MANEAL: variants seen among roughly 807,000 people sequenced by gnomAD.
MANEAL encodes the protein glycoprotein endo-alpha-1,2-mannosidase-like protein.
Under a neutral mutation model 35.9 loss-of-function variants are expected in MANEAL, and 28 were observed. That is an observed-to-expected ratio of 0.78 (90% CI 0.58 to 1.07). MANEAL has a LOEUF of 1.07. Among genes scored for constraint, MANEAL ranks in the 50% least tolerant of loss-of-function variants. MANEAL has a pLI of 0.00. For synonymous variants in MANEAL, 286 were observed against 272.2 expected (o/e 1.05, Z -0.50); for missense variants, 576 against 629.6 (o/e 0.91, Z 0.91).
In MANEAL at chr1:37,799,863, A is replaced by G. The variant is rs1557575040; in HGVS notation, c.1034A>G (p.Asn345Ser). 1 of 1,614,194 alleles carries G rather than the reference A, an allele frequency of 6.2e-7. No homozygotes were observed. Among genetic ancestry groups the G allele is most frequent in the Non-Finnish European group, 8.5e-7 (1 of 1,180,036 alleles). ...CATCAGAACTGGAAAGCTGTGAAGA[A>G]CTTTTGTGATGCCAACAACCTCATG... is the stretch of plus-strand genomic sequence containing the variant. The part of the protein sequence containing the change: ...SSHQNWKAVK[N>S]FCDANNLMFI... Residue 345 changes from asparagine to serine, a missense_variant, in exon 4 of 4, where the codon AAC (asparagine) becomes AGC (serine). By Grantham distance (46) the Asn-to-Ser change is conservative (BLOSUM62 1). Coordinates refer to ENST00000373045, the MANE Select transcript of MANEAL (RefSeq NM_001113482.2). This position sits in a 1 kb window ranked among gnomAD's most constrained non-coding sequence, Gnocchi z 4.1.
In MANEAL at chr1:37,801,088, G is replaced by C. The variant is rs1646694489; in HGVS notation, c.*885G>C. 1.3e-5 allele frequency: 2 copies of C among 152,632 alleles called. No individual in the cohort carries two copies. The highest frequency in any genetic ancestry group is 1.3e-4 in the Admixed American group (2 of 15,280). The allele number at this position is 152,632 out of a possible 1,614,324, so 9.5% of individuals were successfully genotyped here. On this transcript the variant is annotated 3_prime_UTR_variant, in exon 4 of 4. Coordinates refer to ENST00000373045, the MANE Select transcript of MANEAL (RefSeq NM_001113482.2). Reference sequence around the variant, plus strand: ...GGCCCACTCACTAGAGCCATGTTCAGTGCTACTGTGATTAGTAGTAATTAA... The same window carrying C: ...GGCCCACTCACTAGAGCCATGTTCACTGCTACTGTGATTAGTAGTAATTAA...
chr1:37,796,873 G>C, intron 3 of MANEAL, 53 bp downstream of exon 3: 2 of 1,537,050 alleles, frequency 1.3e-6, no homozygotes, highest in Non-Finnish European at 8.9e-7. Flanking sequence ...TGGAGGTAGG[G>C]ATAGAAGGTT....
Position 37,796,816 on chromosome 1 carries a change from G to A in MANEAL, c.733G>A (p.Asp245Asn), listed in dbSNP as rs1269332313. Residue 245 changes from aspartate (D) to asparagine (N), a missense_variant, in exon 3 of 4, where the codon GAC becomes AAC. Physicochemically the swap from Asp to Asn is conservative, Grantham distance 23. This residue lies in a region of MANEAL where 449 missense variants were observed against 516.1 expected (regional missense o/e 0.87). Coordinates refer to ENST00000373045, the MANE Select transcript of MANEAL (RefSeq NM_001113482.2). ...TVHDNIKYIIDTYGSHGAFYR... is the reference protein window; with the variant it reads ...TVHDNIKYIINTYGSHGAFYR... ...ACATGACAACATCAAGTACATCATT[G>A]ACACGTAAGGCTGCTCTGGGGGCCG... 4.3e-6 allele frequency: 7 copies of A among 1,609,392 alleles called. No individual in the cohort carries two copies. The highest frequency in any genetic ancestry group is 5.9e-6 in the Non-Finnish European group (7 of 1,177,892).
chr1:37,795,784 G>A lies in MANEAL; in HGVS notation c.598G>A (p.Gly200Arg), dbSNP rs1181993232. ...CCCACCTGGCATGGCTGATGATAAC[G>A]GGGAGCCCTCAGATGACCTGGTGCC... is the stretch of plus-strand genomic sequence containing the variant. ...WYPPGMADDN[G>R]EPSDDLVPAI... Residue 200 changes from glycine (G) to arginine (R), a missense_variant, in exon 2 of 4, where the codon GGG becomes AGG. Physicochemically the swap from Gly to Arg is moderately radical, Grantham distance 125 (BLOSUM62 -2). Transcript: ENST00000373045. 1 of 1,614,108 alleles carries A rather than the reference G, an allele frequency of 6.2e-7. No homozygotes were observed. The highest frequency in any genetic ancestry group is 1.1e-5 in the South Asian group (1 of 91,074).
chr1:37,797,433 C>T (rs1335509814), intron 3 of MANEAL, among the ~76,000 whole-genome samples: 5 of 148,840 alleles, frequency 3.4e-5, no homozygotes, highest in Non-Finnish European at 5.9e-5. Context: ...AATGAGGCTG[C>T]GTGCAATGGC....
At chr1:37,795,423 C>T (rs1646637147) in intron 1 of MANEAL, 3 of 1,010,402 alleles carry the variant, frequency 3.0e-6, no homozygotes, top group Middle Eastern at 4.2e-4. Context: ...CAGAGGTAGG[C>T]CTGTGGCTTC....
Position 37,800,899 on chromosome 1 carries a change from G to A in MANEAL, c.*696G>A, listed in dbSNP as rs1646692417. 1 of 152,464 alleles carries A rather than the reference G, an allele frequency of 6.6e-6. No individual in the cohort carries two copies. The highest frequency in any genetic ancestry group is 2.4e-5 in the African/African-American group (1 of 41,446). The allele number at this position is 152,464 out of a possible 1,614,324, so 9.4% of individuals were successfully genotyped here. A position where few individuals can be genotyped will look rare whatever the true frequency, so the allele number is the denominator to read the frequency against. ...CCTTGTAGCTAGTGCCTGGGCACAG[G>A]TGTTTTTCTTTTTGCAGTTTTACCT... On this transcript the variant is annotated 3_prime_UTR_variant, in exon 4 of 4. Coordinates refer to ENST00000373045, the MANE Select transcript of MANEAL (RefSeq NM_001113482.2).
In MANEAL at chr1:37,800,274, C is replaced by G; in HGVS notation, c.*71C>G. 2.6e-6 allele frequency: 4 copies of G among 1,558,592 alleles called. No homozygotes were observed. Among genetic ancestry groups the G allele is most frequent in the Non-Finnish European group, 2.6e-6 (3 of 1,153,436 alleles). ...GAAGATGTCACCATGTGGGGTTCAG[C>G]TGAGGTTGTAGCCACTCACTCGTTC... On this transcript the variant is annotated 3_prime_UTR_variant, in exon 4 of 4. Coordinates refer to ENST00000373045, the MANE Select transcript of MANEAL (RefSeq NM_001113482.2).
chr1:37,798,498 G>A lies in MANEAL; in HGVS notation c.738-1069G>A, dbSNP rs1049854510. 4.6e-5 allele frequency among the ~76,000 whole-genome samples: 7 copies of A among 152,288 alleles called. 1 individual carries two copies. The highest frequency in any genetic ancestry group is 3.3e-4 in the Admixed American group (5 of 15,304). On this transcript the variant is annotated intron_variant, in intron 3 of 3. Coordinates refer to ENST00000373045, the MANE Select transcript of MANEAL (RefSeq NM_001113482.2). ...TAATCCCAGCACTTTGGGAGGCTGA[G>A]GTGGGAGGATCACTTGAGGCCAGGA...
At position 37,794,322 on chromosome 1, in the gene MANEAL, T is replaced by C. The variant is rs1646624027; in HGVS notation, c.140T>C (p.Phe47Ser). ...GGCCCGGGCCTGGAGCTGGCGCCCT[T>C]TGAGCGACGCCCAGAGGGGGCCCCC... Reference protein sequence around the residue: ...ALGPGLELAPFERRPEGAPAP... With the variant: ...ALGPGLELAPSERRPEGAPAP... The change falls in exon 1 of 4, where the codon TTT (phenylalanine) becomes TCT (serine). Residue 47 changes from phenylalanine to serine, a missense_variant. Physicochemically the swap from Phe to Ser is radical, Grantham distance 155. This residue lies in a region of MANEAL where 122 missense variants were observed against 97.2 expected (regional missense o/e 1.26). Coordinates refer to ENST00000373045, the MANE Select transcript of MANEAL (RefSeq NM_001113482.2). This position sits in a 1 kb window ranked among gnomAD's most constrained non-coding sequence, Gnocchi z 5.7. 8 of 1,132,214 alleles carry C rather than the reference T, an allele frequency of 7.1e-6. No homozygotes were observed. Among genetic ancestry groups the C allele is most frequent in the Non-Finnish European group, 8.7e-6 (8 of 922,236 alleles). 70.1% of individuals were successfully genotyped at this position (1,132,214 alleles called of 1,614,324 possible).
intron 2 of MANEAL, among the ~76,000 whole-genome samples, chr1:37,796,112 G>A (rs973665569): frequency 1.3e-5 from 2 of 152,148 alleles, no homozygotes; most frequent in Non-Finnish European, 2.9e-5. Flanking sequence ...TAATAATAGA[G>A]GTTAGGTTGT....
chr1:37,797,064 A>G (rs1409667799), intron 3 of MANEAL, among the ~76,000 whole-genome samples: 1 of 152,224 alleles, frequency 6.6e-6, no homozygotes, highest in Admixed American at 6.5e-5. Context: ...ACACGAATTA[A>G]TATATGTGAA....
chr1:37,799,459 G>C lies in MANEAL; in HGVS notation c.738-108G>C, dbSNP rs1646674575. On this transcript the variant is annotated intron_variant, in intron 3 of 3. Coordinates refer to ENST00000373045, the MANE Select transcript of MANEAL (RefSeq NM_001113482.2). This position sits in a 1 kb window ranked among gnomAD's most constrained non-coding sequence, Gnocchi z 4.1. Reference sequence around the variant, plus strand: ...CATGATGACTCCAACTGTGGAGACTGACTGGCTCCAGAACTGGGCTGTGTT... The same window carrying C: ...CATGATGACTCCAACTGTGGAGACTCACTGGCTCCAGAACTGGGCTGTGTT... 1 of 1,273,592 alleles carries C rather than the reference G, an allele frequency of 7.9e-7. No homozygotes were observed. The highest frequency in any genetic ancestry group is 1.1e-6 in the Non-Finnish European group (1 of 924,378). 78.9% of individuals were successfully genotyped at this position (1,273,592 alleles called of 1,614,324 possible). A position where few individuals can be genotyped will look rare whatever the true frequency, so the allele number is the denominator to read the frequency against.
At position 37,794,704 on chromosome 1, in the gene MANEAL, T is replaced by C; in HGVS notation, c.522T>C (p.His174=). Residue 174 remains histidine, a synonymous_variant, in exon 1 of 4, where the codon CAT becomes CAC. Coordinates refer to ENST00000373045, the MANE Select transcript of MANEAL (RefSeq NM_001113482.2). This position sits in a 1 kb window ranked among gnomAD's most constrained non-coding sequence, Gnocchi z 5.7. ...SSRDPEVLRE[H]MTQLKEAAIG... ...GGGACCCCGAAGTGCTGCGGGAGCA[T>C]ATGACCCAGCTCAAGGAAGCCGCCA... is the stretch of plus-strand genomic sequence containing the variant. 1 of 1,598,392 alleles carries C rather than the reference T, an allele frequency of 6.3e-7. No homozygotes were observed. Among genetic ancestry groups the C allele is most frequent in the Non-Finnish European group, 8.5e-7 (1 of 1,173,122 alleles).
chr1:37,797,223 A>C (rs1646652666), intron 3 of MANEAL, among the ~76,000 whole-genome samples: 1 of 152,016 alleles, frequency 6.6e-6, no homozygotes. Flanking sequence ...TAACGTGGTG[A>C]AACCCCGTCT....
rs1235766356 is a variant in MANEAL at position 37,793,891 on chromosome 1, C to T, written c.-292C>T. ...CCAGGCAGCCAGGCGACTCTTCTTT[C>T]GCGGGTCACGCGGCCTGACTCAGGC... On this transcript the variant is annotated 5_prime_UTR_variant, in exon 1 of 4. Transcript: ENST00000373045. The T allele has an allele frequency of 1.9e-5, 3 of 154,142 alleles. No homozygotes were observed. Among genetic ancestry groups the T allele is most frequent in the Non-Finnish European group, 4.3e-5 (3 of 69,432 alleles). The allele number at this position is 154,142 out of a possible 1,614,324, so 9.5% of individuals were successfully genotyped here.
chr1:37,794,671 C>T lies in MANEAL; in HGVS notation c.489C>T (p.Tyr163=), dbSNP rs199961187. 65 of 1,609,752 alleles carry T rather than the reference C, an allele frequency of 4.0e-5. No homozygotes were observed. In the African/African-American group the frequency reaches 5.7e-4, roughly 14 times the overall value. Residue 163 remains tyrosine (Y), a synonymous_variant, in exon 1 of 4, where the codon TAC becomes TAT. Transcript: ENST00000373045. The surrounding 1 kb of genome is among the most constrained non-coding windows in gnomAD (Gnocchi z 5.7). ...GSSFYPELGP[Y]SSRDPEVLRE... ...GCTTCTACCCGGAGCTGGGGCCCTA[C>T]AGCTCCCGGGACCCCGAAGTGCTGC...
Position 37,801,082 on chromosome 1 carries a change from T to C in MANEAL, c.*879T>C, listed in dbSNP as rs1646694441. On this transcript the variant is annotated 3_prime_UTR_variant, in exon 4 of 4. Transcript: ENST00000373045. Reference sequence around the variant, plus strand: ...GACTGAGGCCCACTCACTAGAGCCATGTTCAGTGCTACTGTGATTAGTAGT... The same window carrying C: ...GACTGAGGCCCACTCACTAGAGCCACGTTCAGTGCTACTGTGATTAGTAGT... The C allele has an allele frequency of 6.6e-6, 1 of 152,640 alleles. No individual in the cohort carries two copies. The highest frequency in any genetic ancestry group is 1.5e-5 in the Non-Finnish European group (1 of 68,030). The allele number at this position is 152,640 out of a possible 1,614,324, so 9.5% of individuals were successfully genotyped here.
Position 37,795,638 on chromosome 1 carries a change from T to G in MANEAL, c.551-99T>G, listed in dbSNP as rs117208662. On this transcript the variant is annotated intron_variant, in intron 1 of 3. Coordinates refer to ENST00000373045, the MANE Select transcript of MANEAL (RefSeq NM_001113482.2). ...TGGCAGGAGGCTTGCTTCAGGTTTT[T>G]AGGAACCATTTTTGCAATTGGAGAT... 1,552 of 1,579,618 alleles carry G rather than the reference T, an allele frequency of 9.8e-4. 27 individuals carry two copies. The East Asian group carries it at 0.029, about 29-fold the overall frequency.
Sources: allele counts gnomAD v4.1 joint callset (sites outside exome capture counted in the v4.1 genomes callset), GRCh38; gene constraint gnomAD v4.1.1; regional missense constraint gnomAD v4.1.1; non-coding constraint Gnocchi (gnomAD v3.1); transcripts MANE v1.5; gene names NCBI Gene and HGNC (gene_info 2026-07-23, HGNC 2026-07-21).